Variants in BANK1 observed in about 807,000 individuals in gnomAD.
The protein encoded by BANK1 is B cell scaffold protein with ankyrin repeats 1.
BANK1 carries 95 observed loss-of-function variants against 94.5 expected under a neutral mutation model. The ratio of observed to expected loss-of-function variants is 1.00; its 90% CI spans 0.85 to 1.19. BANK1 has a LOEUF of 1.19. Among genes scored for constraint, BANK1 ranks in the 50% most tolerant of loss-of-function variants. BANK1 has a pLI of 0.00. For missense variants in BANK1, 987 were observed against 932.2 expected (o/e 1.06, Z -0.77); for synonymous variants, 334 against 308.4 (o/e 1.08, Z -0.87).
chr4:102,032,414 A>G (rs893914281), intron 10 of BANK1: 1 of 152,156 alleles, frequency 6.6e-6, no homozygotes, highest in Admixed American at 6.5e-5. Context: ...ATATAATTCA[A>G]TATCTTTGTT....
intron 1 of BANK1, among the ~76,000 whole-genome samples, chr4:101,813,590 G>A (rs1050838165): frequency 6.6e-6 from 1 of 152,204 alleles, no homozygotes; most frequent in Admixed American, 6.5e-5. Flanking sequence ...GTTCTGATGG[G>A]TGTGCGTCCT....
intron 1 of BANK1, among the ~76,000 whole-genome samples, chr4:101,807,907 C>T (rs1227057038): frequency 6.6e-6 from 1 of 151,372 alleles, no homozygotes; most frequent in Non-Finnish European, 1.5e-5. Flanking sequence ...ATGGTGAAAC[C>T]CCGTCTCTAC....
At chr4:101,932,349 A>G (rs887262946) in intron 7 of BANK1, among the ~76,000 whole-genome samples, 7 of 151,578 alleles carry the variant, frequency 4.6e-5, no homozygotes, top group African/African-American at 1.7e-4. Context: ...ATATGCCTAT[A>G]TATGTTTGTG....
chr4:101,903,786 G>A (rs528385210), intron 6 of BANK1, among the ~76,000 whole-genome samples: 8 of 152,264 alleles, frequency 5.3e-5, no homozygotes, highest in African/African-American at 1.9e-4. Flanking sequence ...TGATCCCTAC[G>A]TATGGTTACT....
chr4:101,875,023 T>TC (rs1728435548), intron 5 of BANK1, among the ~76,000 whole-genome samples: 1 of 152,116 alleles, frequency 6.6e-6, no homozygotes, highest in Admixed American at 6.6e-5. Flanking sequence ...CTACCAATTG[T>TC]CCCCCTGCAA....
At chr4:102,011,350 T>C (rs1030336103) in intron 7 of BANK1, among the ~76,000 whole-genome samples, 2 of 152,164 alleles carry the variant, frequency 1.3e-5, no homozygotes, top group African/African-American at 4.8e-5. Context: ...AGATTAGAAA[T>C]TATTTTCACA....
At chr4:101,980,698 C>G (rs1725298908) in intron 7 of BANK1, among the ~76,000 whole-genome samples, 1 of 151,930 alleles carries the variant, frequency 6.6e-6, no homozygotes, top group African/African-American at 2.4e-5. Context: ...GATGTTGAGT[C>G]TTTCTCTCCA....
chr4:101,991,574 G>C (rs1424269330), intron 7 of BANK1, among the ~76,000 whole-genome samples: 2 of 152,178 alleles, frequency 1.3e-5, no homozygotes, highest in African/African-American at 2.4e-5. Context: ...CTTTAAAAAT[G>C]AGCCCAGGAG....
chr4:102,011,431 T>C (rs898517447), intron 7 of BANK1, among the ~76,000 whole-genome samples: 1 of 152,148 alleles, frequency 6.6e-6, no homozygotes, highest in Non-Finnish European at 1.5e-5. Context: ...AACAAGGAGG[T>C]ATGCAATTCT....
chr4:102,056,817 C>A (rs988731090), intron 11 of BANK1, among the ~76,000 whole-genome samples: 1 of 152,106 alleles, frequency 6.6e-6, no homozygotes, highest in South Asian at 2.1e-4. Flanking sequence ...ACCAGCCTGG[C>A]CAATATTGCG....
At chr4:101,847,891 G>A (rs1727315917) in intron 2 of BANK1, among the ~76,000 whole-genome samples, 1 of 152,012 alleles carries the variant, frequency 6.6e-6, no homozygotes, top group South Asian at 2.1e-4. Context: ...TTCTTGCCCC[G>A]TTCAAATTGT....
intron 7 of BANK1, among the ~76,000 whole-genome samples, chr4:101,987,341 A>G (rs1039776603): frequency 2.0e-5 from 3 of 152,068 alleles, no homozygotes; most frequent in African/African-American, 7.2e-5. Context: ...TTAATACTAT[A>G]CCCTCATTTA....
At chr4:101,837,264 G>T (rs902241484) in intron 2 of BANK1, among the ~76,000 whole-genome samples, 4 of 152,086 alleles carry the variant, frequency 2.6e-5, no homozygotes, top group African/African-American at 9.7e-5. Flanking sequence ...CTGTTTTTGT[G>T]CTTCTAGAAT....
At chr4:101,942,136 C>G (rs766863508) in intron 7 of BANK1, among the ~76,000 whole-genome samples, 4 of 151,848 alleles carry the variant, frequency 2.6e-5, no homozygotes, top group Non-Finnish European at 5.9e-5. Context: ...TGGGTGACTA[C>G]CAGCCTCAGC....
chr4:101,925,874 A>G (rs1021645899), intron 7 of BANK1, among the ~76,000 whole-genome samples: 4 of 151,766 alleles, frequency 2.6e-5, no homozygotes, highest in African/African-American at 4.8e-5. Flanking sequence ...AGGAAATGCA[A>G]TTTCAGAGAA....
chr4:101,992,732 T>C (rs1194343903), intron 7 of BANK1, among the ~76,000 whole-genome samples: 2 of 152,194 alleles, frequency 1.3e-5, no homozygotes, highest in East Asian at 1.9e-4. Flanking sequence ...TAACATATGC[T>C]AGATGACCTG....
In BANK1 at chr4:102,044,919, A is replaced by G. The variant is rs542732627; in HGVS notation, c.1969+1012A>G. The stretch of plus-strand genomic sequence containing the variant: ...GTAAATTTGTTTGAGTTCATTGTAG[A>G]TTCTGGATATTAGCCCTTTGTCAGA... On this transcript the variant is annotated intron_variant, in intron 11 of 16. Coordinates refer to ENST00000322953, the MANE Select transcript of BANK1 (RefSeq NM_017935.5). Among the ~76,000 whole-genome samples the G allele has an allele frequency of 3.1e-3, 408 of 132,782 alleles. 2 individuals carry two copies. The highest frequency in any genetic ancestry group is 0.011 in the African/African-American group (396 of 34,590). 87.1% of individuals were successfully genotyped at this position (132,782 alleles called of 152,430 possible).
intron 7 of BANK1, among the ~76,000 whole-genome samples, chr4:101,934,281 T>G (rs984226592): frequency 6.6e-6 from 1 of 151,408 alleles, no homozygotes; most frequent in Non-Finnish European, 1.5e-5. Context: ...TACAACTTAC[T>G]TGTTTGAAAT....
At chr4:101,867,412 G>T (rs188511117) in intron 4 of BANK1, among the ~76,000 whole-genome samples, 1 of 152,092 alleles carries the variant, frequency 6.6e-6, no homozygotes, top group African/African-American at 2.4e-5. Flanking sequence ...AATTTTAAAA[G>T]AAGTTCTTTG....
Sources: gnomAD v4.1 joint callset for allele counts (sites outside exome capture counted in the v4.1 genomes callset) on GRCh38, gnomAD v4.1.1 for gene constraint, MANE v1.5 for transcripts, NCBI Gene and HGNC (gene_info 2026-07-23, HGNC 2026-07-21) for gene names.